Variants in MACROD2 observed in about 807,000 individuals in gnomAD.
MACROD2 encodes the protein mono-ADP ribosylhydrolase 2.
MACROD2 carries 36 observed loss-of-function variants against 70.4 expected under a neutral mutation model. The observed-to-expected ratio is 0.51, with a 90% CI of 0.39 to 0.68. The LOEUF is 0.68. MACROD2 is among the 30% of genes least tolerant of loss of function. The pLI is 0.00. For synonymous variants in MACROD2, 172 were observed against 178.8 expected (o/e 0.96, Z 0.30); for missense variants, 496 against 538.4 (o/e 0.92, Z 0.78).
At chr20:14,703,546 C>T (rs1224462490) in intron 5 of MACROD2, among the ~76,000 whole-genome samples, 1 of 152,050 alleles carries the variant, frequency 6.6e-6, no homozygotes, top group African/African-American at 2.4e-5. Context: ...TAGCTTTGTG[C>T]CATAGCATAA....
intron 6 of MACROD2, among the ~76,000 whole-genome samples, chr20:15,266,777 T>C (rs187384187): frequency 3.3e-5 from 5 of 152,324 alleles, no homozygotes; most frequent in Admixed American, 1.3e-4. Context: ...AGTGACCCTG[T>C]CTCTACCACT....
At chr20:15,465,429 T>C (rs1239911753) in intron 7 of MACROD2, among the ~76,000 whole-genome samples, 2 of 152,232 alleles carry the variant, frequency 1.3e-5, no homozygotes, top group Non-Finnish European at 2.9e-5. Flanking sequence ...GTTAAGAGCT[T>C]TCAGGTGTCC....
At chr20:14,631,358 C>T (rs1034832788) in intron 4 of MACROD2, among the ~76,000 whole-genome samples, 3 of 152,176 alleles carry the variant, frequency 2.0e-5, no homozygotes, top group Non-Finnish European at 4.4e-5. Flanking sequence ...TTTTTCTTAG[C>T]CCTTTTCTGC....
At chr20:14,563,186 T>C (rs943125464) in intron 4 of MACROD2, among the ~76,000 whole-genome samples, 1 of 151,798 alleles carries the variant, frequency 6.6e-6, no homozygotes, top group African/African-American at 2.4e-5. Flanking sequence ...CTCCTCTGCC[T>C]GTATGACTGA....
At chr20:14,041,169 T>C (rs2053385651) in intron 2 of MACROD2, among the ~76,000 whole-genome samples, 1 of 152,188 alleles carries the variant, frequency 6.6e-6, no homozygotes, top group Non-Finnish European at 1.5e-5. Flanking sequence ...CTAATTACTT[T>C]TATAAAAGAG....
chr20:15,130,852 G>T (rs1194726850), intron 5 of MACROD2, among the ~76,000 whole-genome samples: 1 of 152,100 alleles, frequency 6.6e-6, no homozygotes, highest in African/African-American at 2.4e-5. Flanking sequence ...CCTGATGGAA[G>T]TAGAGGCTCA....
At chr20:15,675,819 T>A (rs1289680190) in intron 8 of MACROD2, among the ~76,000 whole-genome samples, 2 of 152,158 alleles carry the variant, frequency 1.3e-5, no homozygotes. Context: ...TACATAACCT[T>A]CAGGAACTTG....
At chr20:13,999,409 A>G (rs1436418245) in intron 1 of MACROD2, among the ~76,000 whole-genome samples, 1 of 152,230 alleles carries the variant, frequency 6.6e-6, no homozygotes, top group Non-Finnish European at 1.5e-5. Context: ...TCATGATAGT[A>G]TTCATGTAAG....
At chr20:15,275,714 A>G (rs2077384836) in intron 6 of MACROD2, among the ~76,000 whole-genome samples, 1 of 152,162 alleles carries the variant, frequency 6.6e-6, no homozygotes, top group Non-Finnish European at 1.5e-5. Flanking sequence ...CAAAGAGAAG[A>G]AGCGATATTT....
chr20:14,784,010 C>T (rs1241388394), intron 5 of MACROD2, among the ~76,000 whole-genome samples: 2 of 152,062 alleles, frequency 1.3e-5, no homozygotes, highest in Admixed American at 6.5e-5. Flanking sequence ...AAATAAAATG[C>T]AGGTACTAGC....
intron 5 of MACROD2, among the ~76,000 whole-genome samples, chr20:14,961,544 T>C (rs1482940345): frequency 6.6e-6 from 1 of 152,150 alleles, no homozygotes; most frequent in African/African-American, 2.4e-5. Context: ...TGTTTTGTTT[T>C]TGAGACAGGG....
At chr20:15,395,349 A>G (rs1397636555) in intron 6 of MACROD2, among the ~76,000 whole-genome samples, 2 of 152,034 alleles carry the variant, frequency 1.3e-5, no homozygotes, top group South Asian at 2.1e-4. Context: ...TATTTTTGTC[A>G]TTTCTTTTGT....
intron 5 of MACROD2, among the ~76,000 whole-genome samples, chr20:14,812,735 A>T (rs2072729847): frequency 6.6e-6 from 1 of 151,986 alleles, no homozygotes; most frequent in Admixed American, 6.6e-5. Flanking sequence ...CTCACACCAG[A>T]TGTATGGGGG....
At chr20:14,744,906 A>G (rs1352586719) in intron 5 of MACROD2, among the ~76,000 whole-genome samples, 2 of 152,170 alleles carry the variant, frequency 1.3e-5, no homozygotes, top group Non-Finnish European at 2.9e-5. Context: ...CAAAATCAGA[A>G]GTAAGAAACG....
At chr20:14,970,030 A>G (rs761540734) in intron 5 of MACROD2, among the ~76,000 whole-genome samples, 2 of 152,160 alleles carry the variant, frequency 1.3e-5, no homozygotes, top group African/African-American at 4.8e-5. Flanking sequence ...TCACGCTGCT[A>G]TGAAAAAATA....
intron 6 of MACROD2, among the ~76,000 whole-genome samples, chr20:15,311,531 C>G (rs139556024): frequency 6.6e-6 from 1 of 152,252 alleles, no homozygotes; most frequent in East Asian, 1.9e-4. Context: ...ATAAAATCAA[C>G]CTAGGTGCCC....
chr20:15,302,799 A>G (rs2077659909), intron 6 of MACROD2, among the ~76,000 whole-genome samples: 1 of 152,192 alleles, frequency 6.6e-6, no homozygotes, highest in Admixed American at 6.5e-5. Flanking sequence ...TCAAAGCATT[A>G]TAGTCCTGTT....
chr20:15,630,877 A>G (rs921705552), intron 8 of MACROD2, among the ~76,000 whole-genome samples: 12 of 152,210 alleles, frequency 7.9e-5, no homozygotes, highest in African/African-American at 2.9e-4. Flanking sequence ...AAACTGGGAC[A>G]GGGAATTTAA....
chr20:14,220,927 C>T (rs2081667798), intron 3 of MACROD2, among the ~76,000 whole-genome samples: 1 of 152,150 alleles, frequency 6.6e-6, no homozygotes, highest in Non-Finnish European at 1.5e-5. Flanking sequence ...TCTGTGGGTC[C>T]TCTCAGGATG....
Sources: allele counts gnomAD v4.1 joint callset (sites outside exome capture counted in the v4.1 genomes callset), GRCh38; gene constraint gnomAD v4.1.1; transcripts MANE v1.5; gene names NCBI Gene and HGNC (gene_info 2026-07-23, HGNC 2026-07-21).